AMMECR1: variants seen among roughly 807,000 people sequenced by gnomAD.
AMMECR1 encodes the protein nuclear protein AMMECR1.
A neutral mutation model predicts 22.5 loss-of-function variants in AMMECR1; 3 were observed. The ratio of observed to expected loss-of-function variants is 0.13; its 90% confidence interval spans 0.06 to 0.35. AMMECR1 has a LOEUF of 0.35. Ranked by LOEUF, AMMECR1 falls within the 10% of genes least tolerant of loss-of-function variation. AMMECR1 has a pLI of 1.00. For missense variants in AMMECR1, 235 were observed against 278.7 expected (o/e 0.84, Z 1.12); for synonymous variants, 130 against 116.7 (o/e 1.11, Z -0.74).
At chrX:110,281,249 T>C (rs2067851063) in intron 1 of AMMECR1, among the ~76,000 whole-genome samples, 1 of 112,037 alleles carries the variant, frequency 8.9e-6, no homozygotes, top group Non-Finnish European at 1.9e-5. Flanking sequence ...ATGGTAAGAA[T>C]GGCTTCTTTC....
At chrX:110,299,185 T>C (rs2067953114) in intron 1 of AMMECR1, among the ~76,000 whole-genome samples, 1 of 111,898 alleles carries the variant, frequency 8.9e-6, no homozygotes, top group African/African-American at 3.2e-5. Context: ...CAAAATTTTG[T>C]TTTTGAAAAA....
intron 2 of AMMECR1, among the ~76,000 whole-genome samples, chrX:110,374,660 G>T (rs1265333792): frequency 1.8e-5 from 2 of 112,068 alleles, no homozygotes; most frequent in African/African-American, 6.5e-5. Context: ...GTTAAAGAAG[G>T]TTTCATAAAG....
intron 2 of AMMECR1, among the ~76,000 whole-genome samples, chrX:110,223,061 C>T (rs1297847618): frequency 2.7e-5 from 3 of 112,096 alleles, no homozygotes; most frequent in African/African-American, 9.7e-5. Flanking sequence ...TCATCAGAAT[C>T]TGCCTCCTAG....
intron 2 of AMMECR1, among the ~76,000 whole-genome samples, chrX:110,362,170 G>T (rs188746074): frequency 8.9e-6 from 1 of 111,877 alleles, no homozygotes; most frequent in Non-Finnish European, 1.9e-5. Flanking sequence ...AGCCATTGAT[G>T]GTGCAGAATC....
chrX:110,432,127 G>C (rs1161324257), intron 1 of AMMECR1, among the ~76,000 whole-genome samples: 1 of 112,148 alleles, frequency 8.9e-6, no homozygotes, highest in Non-Finnish European at 1.9e-5. Flanking sequence ...AGAGTTAAGA[G>C]GGGATCCCTG....
chrX:110,424,883 A>C (rs1267146232), intron 2 of AMMECR1, among the ~76,000 whole-genome samples: 1 of 111,803 alleles, frequency 8.9e-6, no homozygotes, highest in Non-Finnish European at 1.9e-5. Context: ...AATAATAGTC[A>C]TAGTCACCAT....
intron 2 of AMMECR1, among the ~76,000 whole-genome samples, chrX:110,412,068 C>T (rs1338773409): frequency 8.9e-6 from 1 of 112,661 alleles, no homozygotes; most frequent in East Asian, 2.8e-4. Flanking sequence ...AAAGGAACAC[C>T]AATCAGTAAT....
At chrX:110,366,528 T>C (rs776177438) in intron 2 of AMMECR1, among the ~76,000 whole-genome samples, 1 of 111,723 alleles carries the variant, frequency 9.0e-6, no homozygotes, top group Non-Finnish European at 1.9e-5. Flanking sequence ...ATGATAAAAG[T>C]TAAGAGAACA....
intron 1 of AMMECR1, among the ~76,000 whole-genome samples, chrX:110,302,835 T>C (rs1214837297): frequency 1.8e-5 from 2 of 110,094 alleles, no homozygotes; most frequent in African/African-American, 6.6e-5. Context: ...GATCACGCCA[T>C]TGCACTCCAG....
intron 2 of AMMECR1, among the ~76,000 whole-genome samples, chrX:110,337,659 C>T (rs2068146323): frequency 9.0e-6 from 1 of 111,657 alleles, no homozygotes; most frequent in South Asian, 3.8e-4. Flanking sequence ...AACAGTATGG[C>T]AGTTCCCAAA....
chrX:110,225,945 A>G (rs777489987), intron 2 of AMMECR1, among the ~76,000 whole-genome samples: 40 of 111,955 alleles, frequency 3.6e-4, no homozygotes, highest in Non-Finnish European at 6.8e-4. Context: ...ATCAGGGTCA[A>G]TCCACATGTT....
chrX:110,262,936 C>G (rs2067749311), intron 2 of AMMECR1, among the ~76,000 whole-genome samples: 1 of 111,581 alleles, frequency 9.0e-6, no homozygotes. Flanking sequence ...ATATACATAA[C>G]ACTATTAACA....
intron 2 of AMMECR1, among the ~76,000 whole-genome samples, chrX:110,255,602 G>GTA (rs750872279): frequency 8.1e-5 from 9 of 111,799 alleles, no homozygotes; most frequent in Non-Finnish European, 1.7e-4. Context: ...AGTCCTGAAG[G>GTA]TAGTTGGGTA....
intron 1 of AMMECR1, among the ~76,000 whole-genome samples, chrX:110,286,608 G>C (rs938839695): frequency 7.5e-5 from 8 of 106,342 alleles, no homozygotes; most frequent in African/African-American, 2.4e-4. Flanking sequence ...GGAGGTTGAG[G>C]CTGCAGTGAG....
chrX:110,248,928 A>G, intron 2 of AMMECR1, among the ~76,000 whole-genome samples: 1 of 112,435 alleles, frequency 8.9e-6, no homozygotes, highest in East Asian at 2.8e-4. Flanking sequence ...GAAAGAGATC[A>G]ATCACTTCTT....
At chrX:110,332,176 T>G (rs764243360) in intron 2 of AMMECR1, among the ~76,000 whole-genome samples, 7 of 111,423 alleles carry the variant, frequency 6.3e-5, no homozygotes, top group African/African-American at 2.3e-4. Flanking sequence ...AAAAGGAAAA[T>G]ACTCTCCATA....
chrX:110,311,489 A>G, intron 1 of AMMECR1, among the ~76,000 whole-genome samples: 1 of 111,695 alleles, frequency 9.0e-6, no homozygotes, highest in Admixed American at 9.5e-5. Flanking sequence ...ACTCAGGATA[A>G]TGTATATTTT....
intron 2 of AMMECR1, among the ~76,000 whole-genome samples, chrX:110,345,009 G>T (rs1452957377): frequency 3.6e-5 from 4 of 112,081 alleles, no homozygotes; most frequent in Non-Finnish European, 5.6e-5. Context: ...ATATCCAAAG[G>T]ATTATAAATC....
Position 110,317,815 on chromosome X carries a change from G to C in AMMECR1, c.257C>G (p.Ser86Trp), listed in dbSNP as rs1173336893. ...CCCCACTCCGCAGCTCGGAGGTGGC[G>C]ACAGGGCGATCCCCCCGCCGCCGCC... ...CGGGGGGIAL[S>W]PPPSCGVGTL... The change falls in exon 1 of 6, where the codon TCG (serine) becomes TGG (tryptophan). Residue 86 changes from serine (S) to tryptophan (W), a missense_variant. Ser to Trp is a radical substitution (Grantham distance 177). Around this residue, in one of 2 missense-constraint regions of AMMECR1, gnomAD observed 124 missense variants for 97.0 expected, o/e 1.28. Transcript: ENST00000262844. 8.6e-7 allele frequency: 1 copy of C among 1,158,509 alleles called. No homozygotes were observed. Among genetic ancestry groups the C allele is most frequent in the Non-Finnish European group, 1.2e-6 (1 of 869,324 alleles).
Sources: allele counts gnomAD v4.1 joint callset (sites outside exome capture counted in the v4.1 genomes callset), GRCh38; gene constraint gnomAD v4.1.1; regional missense constraint gnomAD v4.1.1; transcripts MANE v1.5; gene names NCBI Gene and HGNC (gene_info 2026-07-23, HGNC 2026-07-21).